The following EPS15L1 variants were observed in gnomAD, a reference collection of about 807,000 sequenced individuals.
EPS15L1 encodes the protein epidermal growth factor receptor pathway substrate 15 like 1.
Under a neutral mutation model 117.1 loss-of-function variants are expected in EPS15L1, and 43 were observed. The observed-to-expected ratio is 0.37, with a 90% CI of 0.29 to 0.47. The LOEUF is 0.47. EPS15L1 is among the 20% of genes least tolerant of loss of function. EPS15L1 has a pLI of 0.99. For missense variants in EPS15L1, 981 were observed against 1,164.0 expected (o/e 0.84, Z 2.29); for synonymous variants, 459 against 470.5 (o/e 0.98, Z 0.32).
rs565886775 is a variant in EPS15L1 at position 16,381,684 on chromosome 19, G to T, written c.2247+3445C>A. 6.6e-6 allele frequency among the ~76,000 whole-genome samples: 1 copy of T among 152,348 alleles called. No individual in the cohort carries two copies. The highest frequency in any genetic ancestry group is 6.5e-5 in the Admixed American group (1 of 15,304). ...CCCAGTTGTCCCCAGGCCTGTCCGA[G>T]ACATGAGGGGCAGTGTCGGCCTGCA... On this transcript the variant is annotated intron_variant, in intron 21 of 23. Coordinates refer to ENST00000455140, the MANE Select transcript of EPS15L1 (RefSeq NM_001258374.3). This position sits in a 1 kb window ranked among gnomAD's most constrained non-coding sequence, Gnocchi z 4.2.
intron 19 of EPS15L1, among the ~76,000 whole-genome samples, chr19:16,391,567 G>A (rs1392232188): frequency 6.6e-6 from 1 of 151,642 alleles, no homozygotes; most frequent in African/African-American, 2.4e-5. Flanking sequence ...ACGGAAGAAG[G>A]CTATGAAGCA....
At chr19:16,448,816 C>A (rs1284898388) in intron 1 of EPS15L1, among the ~76,000 whole-genome samples, 1 of 151,058 alleles carries the variant, frequency 6.6e-6, no homozygotes, top group South Asian at 2.1e-4. Flanking sequence ...GGTGACAGAG[C>A]AAGACTCCGT....
intron 7 of EPS15L1, among the ~76,000 whole-genome samples, chr19:16,431,445 A>G (rs2145011978): frequency 6.6e-6 from 1 of 151,586 alleles, no homozygotes; most frequent in Admixed American, 6.6e-5. Flanking sequence ...CTGGGACTAC[A>G]TGAGTGTGCC....
intron 16 of EPS15L1, among the ~76,000 whole-genome samples, chr19:16,396,133 TGAA>T (rs2092538518): frequency 6.6e-6 from 1 of 152,112 alleles, no homozygotes; most frequent in Non-Finnish European, 1.5e-5. Flanking sequence ...TAAAGATCAT[TGAA>T]GAAGTATGAA....
chr19:16,399,395 C>T (rs2092573748), intron 16 of EPS15L1, among the ~76,000 whole-genome samples: 1 of 152,148 alleles, frequency 6.6e-6, no homozygotes, highest in Non-Finnish European at 1.5e-5. Flanking sequence ...TGACACGGCC[C>T]TTGGCAGAGA....
chr19:16,394,128 G>T, intron 17 of EPS15L1, 127 bp from the exon 18 acceptor site: 1 of 813,980 alleles, frequency 1.2e-6, no homozygotes, highest in Non-Finnish European at 2.1e-6. Flanking sequence ...GGGAGAGAAT[G>T]TTAGTTCCTT....
intron 16 of EPS15L1, among the ~76,000 whole-genome samples, chr19:16,399,715 G>A (rs1431249412): frequency 6.8e-6 from 1 of 147,396 alleles, no homozygotes; most frequent in Non-Finnish European, 1.5e-5. Context: ...GAGTCTCGCT[G>A]TGTCACCCAG....
chr19:16,377,092 G>T (rs964445027), intron 22 of EPS15L1, 30 bp downstream of exon 22: 4 of 1,574,958 alleles, frequency 2.5e-6, no homozygotes, highest in Middle Eastern at 1.8e-4. Flanking sequence ...ACCGGTAGGC[G>T]GTGGCTGCGA....
At chr19:16,455,124 C>T (rs2093182323) in intron 1 of EPS15L1, among the ~76,000 whole-genome samples, 1 of 150,218 alleles carries the variant, frequency 6.7e-6, no homozygotes, top group African/African-American at 2.4e-5. Flanking sequence ...AGCGAAACTC[C>T]ATCTCAAAAA....
chr19:16,469,726 C>A (rs1201410018), intron 1 of EPS15L1, among the ~76,000 whole-genome samples: 1 of 152,024 alleles, frequency 6.6e-6, no homozygotes. Context: ...CTAGGCTAGC[C>A]CGCTGGGTTA....
intron 22 of EPS15L1, among the ~76,000 whole-genome samples, chr19:16,367,603 G>A (rs1321697048): frequency 1.4e-5 from 2 of 146,448 alleles, no homozygotes; most frequent in African/African-American, 5.0e-5. Flanking sequence ...GGCTGCGCAC[G>A]CCCCTAGCAC....
chr19:16,417,408 G>A, intron 12 of EPS15L1, 144 bp downstream of exon 12: 1 of 694,198 alleles, frequency 1.4e-6, no homozygotes, highest in Non-Finnish European at 2.6e-6. Context: ...GCCAGTTTAG[G>A]ACCTCAGAAG....
chr19:16,398,160 C>T (rs538455164), intron 16 of EPS15L1, among the ~76,000 whole-genome samples: 12 of 152,348 alleles, frequency 7.9e-5, no homozygotes, highest in Non-Finnish European at 1.3e-4. Context: ...AGAGTTAAGA[C>T]AAGCCACCGG....
At chr19:16,377,536 C>T (rs779767076) in intron 21 of EPS15L1, among the ~76,000 whole-genome samples, 3 of 152,218 alleles carry the variant, frequency 2.0e-5, no homozygotes, top group African/African-American at 7.2e-5. Flanking sequence ...AGGGCATCCC[C>T]AGTCACACGA....
In EPS15L1 at chr19:16,439,646, G is replaced by A. The variant is rs577670774; in HGVS notation, c.213+1216C>T. Among the ~76,000 whole-genome samples the A allele has an allele frequency of 6.6e-5, 10 of 152,090 alleles. No homozygotes were observed. In the South Asian group the frequency reaches 1.5e-3, roughly 22 times the overall value. ...ATCGAGGCTGCAGTAAGCAGTGATC[G>A]CACCACTGCACTCCAGCCTGGGCAA... On this transcript the variant is annotated intron_variant, in intron 4 of 23. Coordinates refer to ENST00000455140, the MANE Select transcript of EPS15L1 (RefSeq NM_001258374.3).
At chr19:16,442,039 G>GTGGCACCCGCCACGCTAAC (rs1450339561) in intron 2 of EPS15L1, 58 bp from the exon 3 acceptor site, 2 of 1,516,036 alleles carry the variant, frequency 1.3e-6, no homozygotes, top group Non-Finnish European at 1.8e-6. Flanking sequence ...AGCAGGTGAA[G>GTGGCACCCGCCACGCTAAC]TGGCACCCGC....
chr19:16,466,910 A>G (rs1433493258), intron 1 of EPS15L1, among the ~76,000 whole-genome samples: 1 of 151,992 alleles, frequency 6.6e-6, no homozygotes, highest in Non-Finnish European at 1.5e-5. Flanking sequence ...TCTCAAAAAA[A>G]AAAAAAAAAG....
chr19:16,393,177 G>A (rs1407386545), intron 18 of EPS15L1, among the ~76,000 whole-genome samples: 3 of 151,604 alleles, frequency 2.0e-5, no homozygotes, highest in Non-Finnish European at 4.4e-5. Context: ...GGGTGCCAGG[G>A]GTTGCGGGAG....
chr19:16,409,350 T>A (rs1330938500), intron 13 of EPS15L1, among the ~76,000 whole-genome samples: 3 of 152,074 alleles, frequency 2.0e-5, no homozygotes, highest in Non-Finnish European at 4.4e-5. Context: ...TAACTAGAAA[T>A]GGATCAAAGA....
Sources: allele counts gnomAD v4.1 joint callset (sites outside exome capture counted in the v4.1 genomes callset), GRCh38; gene constraint gnomAD v4.1.1; non-coding constraint Gnocchi (gnomAD v3.1); transcripts MANE v1.5; gene names NCBI Gene and HGNC (gene_info 2026-07-23, HGNC 2026-07-21).